Variants in EPHA4 observed in about 807,000 individuals in gnomAD.
EPHA4 encodes ephrin type-A receptor 4.
A neutral mutation model predicts 108.3 loss-of-function variants in EPHA4; 19 were observed. That is an observed-to-expected ratio of 0.18 (90% CI 0.12 to 0.26). The LOEUF (loss-of-function observed/expected upper bound fraction) is 0.26, where lower values mean the gene tolerates loss of function less well. Among genes scored for constraint, EPHA4 ranks in the 10% least tolerant of loss-of-function variants. The pLI is 1.00. For missense variants in EPHA4, 917 were observed against 1,254.0 expected (o/e 0.73, Z 4.06); for synonymous variants, 449 against 455.5 (o/e 0.99, Z 0.18).
At position 221,430,006 on chromosome 2, in the gene EPHA4, A is replaced by C; in HGVS notation, c.2642T>G (p.Leu881Arg). 6.2e-7 allele frequency: 1 copy of C among 1,613,898 alleles called. No individual in the cohort carries two copies. The highest frequency in any genetic ancestry group is 8.5e-7 in the Non-Finnish European group (1 of 1,179,942). Residue 881 changes from leucine (L) to arginine (R), a missense_variant, in exon 15 of 18, where the codon CTC becomes CGC. Leu to Arg is a moderately radical substitution (Grantham distance 102). Transcript: ENST00000281821. Reference sequence around the variant, plus strand: ...CTTCAAGCTGTTGGGGTTGCGGATGAGTTTGTCCAACATGTTGACAATCTG... The same window carrying C: ...CTTCAAGCTGTTGGGGTTGCGGATGCGTTTGTCCAACATGTTGACAATCTG... Reference protein sequence around the residue: ...FGQIVNMLDKLIRNPNSLKRT... With the variant: ...FGQIVNMLDKRIRNPNSLKRT...
rs773740401 is a variant in EPHA4, at chr2:221,566,911, AAGG to A, written c.159+1804_159+1806del. ...GAAGGAGAAGGAGAAGGAGAAGGAGAAGGAGAAGGAGAAGGAGAAGGAGAAGGA... is the reference window on the plus strand; with the variant it reads ...GAAGGAGAAGGAGAAGGAGAAGGAGAAGAAGGAGAAGGAGAAGGAGAAGGA... On this transcript the variant is annotated intron_variant, in intron 2 of 17. Coordinates refer to ENST00000281821, the MANE Select transcript of EPHA4 (RefSeq NM_004438.5). 1.1e-3 allele frequency among the ~76,000 whole-genome samples: 53 copies of A among 46,530 alleles called. 13 individuals are homozygous for A. The highest frequency in any genetic ancestry group is 1.6e-3 in the Non-Finnish European group (42 of 26,206). The allele number at this position is 46,530 out of a possible 152,430, so 30.5% of individuals were successfully genotyped here. A position where few individuals can be genotyped will look rare whatever the true frequency, so the allele number is the denominator to read the frequency against.
At chr2:221,518,264 C>T (rs1487733289) in intron 3 of EPHA4, among the ~76,000 whole-genome samples, 3 of 152,158 alleles carry the variant, frequency 2.0e-5, no homozygotes, top group Admixed American at 6.5e-5. Flanking sequence ...ATGGTCCTCA[C>T]CTCCAGCTTG....
intron 5 of EPHA4, among the ~76,000 whole-genome samples, chr2:221,464,882 A>G (rs924355919): frequency 6.6e-6 from 1 of 152,210 alleles, no homozygotes; most frequent in Non-Finnish European, 1.5e-5. Context: ...CAACTTGATT[A>G]TTCTGAAATT....
At chr2:221,476,296 C>T (rs181198799) in intron 5 of EPHA4, among the ~76,000 whole-genome samples, 1 of 152,282 alleles carries the variant, frequency 6.6e-6, no homozygotes, top group East Asian at 1.9e-4. Flanking sequence ...CCCCTCATAC[C>T]TAACTGTGGG....
At chr2:221,503,232 G>A (rs917981196) in intron 3 of EPHA4, among the ~76,000 whole-genome samples, 1 of 152,214 alleles carries the variant, frequency 6.6e-6, no homozygotes. Context: ...AATGTTTGCA[G>A]AAAACTGCAT....
chr2:221,495,001 C>CAAAAAAAAAAAAAAAAAA lies in EPHA4; in HGVS notation c.979+5998_979+6015dup, dbSNP rs5838887. ...ATGGTGCTTGTCCTGGCAATGTTGCCAAAAAAAAAAAAAAAAAAAAAAACT... is the reference window on the plus strand; with the variant it reads ...ATGGTGCTTGTCCTGGCAATGTTGCCAAAAAAAAAAAAAAAAAAAAAAAAAAAAAAAAAAAAAAAAACT... On this transcript the variant is annotated intron_variant, in intron 4 of 17. Coordinates refer to ENST00000281821, the MANE Select transcript of EPHA4 (RefSeq NM_004438.5). Among the ~76,000 whole-genome samples the CAAAAAAAAAAAAAAAAAA allele has an allele frequency of 2.3e-5, 2 of 85,522 alleles. 1 individual carries two copies. Among genetic ancestry groups the CAAAAAAAAAAAAAAAAAA allele is most frequent in the African/African-American group, 9.0e-5 (2 of 22,302 alleles). The allele number at this position is 85,522 out of a possible 152,430, so 56.1% of individuals were successfully genotyped here. A position where few individuals can be genotyped will look rare whatever the true frequency, so the allele number is the denominator to read the frequency against.
intron 5 of EPHA4, among the ~76,000 whole-genome samples, chr2:221,463,455 A>T (rs1691211245): frequency 6.6e-6 from 1 of 152,158 alleles, no homozygotes; most frequent in South Asian, 2.1e-4. Context: ...AGCAGACCAC[A>T]ATGCACTGAG....
Position 221,426,100 on chromosome 2 carries a change from A to T in EPHA4, c.2889T>A (p.Asn963Lys). The change falls in exon 17 of 18, where the codon AAT becomes AAA. Residue 963 changes from asparagine to lysine, a missense_variant. Around this residue, in one of 3 missense-constraint regions of EPHA4, gnomAD observed 26 missense variants for 44.4 expected, o/e 0.59. Transcript: ENST00000281821. ...RIGITAITHQ[N>K]KILSSVQAMR... ...TTGCCTGGACACTGCTCAAAATCTT[A>T]TTCTGGTGCGTGATGGCTGTGATAC... 1 of 1,614,086 alleles carries T rather than the reference A, an allele frequency of 6.2e-7. No individual in the cohort carries two copies. Among genetic ancestry groups the T allele is most frequent in the Non-Finnish European group, 8.5e-7 (1 of 1,180,016 alleles).
At chr2:221,462,514 T>C (rs1691179446) in intron 5 of EPHA4, among the ~76,000 whole-genome samples, 1 of 152,110 alleles carries the variant, frequency 6.6e-6, no homozygotes, top group Non-Finnish European at 1.5e-5. Context: ...TGAATAAAAG[T>C]TTTTACATAT....
At chr2:221,483,500 T>TTGTG (rs58143142) in intron 4 of EPHA4, among the ~76,000 whole-genome samples, 2,102 of 143,756 alleles carry the variant, frequency 0.015, 23 homozygotes, top group African/African-American at 0.018. Context: ...TGATGTAGAT[T>TTGTG]TGTGTGTGTG....
chr2:221,539,079 C>T (rs888202135), intron 3 of EPHA4, among the ~76,000 whole-genome samples: 1 of 152,152 alleles, frequency 6.6e-6, no homozygotes. Flanking sequence ...GCCTACACTC[C>T]TTTTACCAAG....
chr2:221,529,853 C>A (rs185093358), intron 3 of EPHA4, among the ~76,000 whole-genome samples: 1 of 152,094 alleles, frequency 6.6e-6, no homozygotes, highest in African/African-American at 2.4e-5. Context: ...AGGAAACCCA[C>A]GAGTCTATTT....
Position 221,444,744 on chromosome 2 carries a change from C to CTTTTTTTTTTTTTTTTTT in EPHA4, c.1775-1156_1775-1139dup, listed in dbSNP as rs71266317. ...TCCCAGTCCCTCTCTTTTTTTCTAT[C>CTTTTTTTTTTTTTTTTTT]TTTTTTTTTTTTTTTTTTTTTTTTT... is the stretch of plus-strand genomic sequence containing the variant. On this transcript the variant is annotated intron_variant, in intron 9 of 17. Coordinates refer to ENST00000281821, the MANE Select transcript of EPHA4 (RefSeq NM_004438.5). 4.0e-5 allele frequency among the ~76,000 whole-genome samples: 3 copies of CTTTTTTTTTTTTTTTTTT among 74,982 alleles called. 1 individual carries two copies. The highest frequency in any genetic ancestry group is 4.8e-5 in the Non-Finnish European group (2 of 41,512). The allele number at this position is 74,982 out of a possible 152,430, so 49.2% of individuals were successfully genotyped here.
intron 3 of EPHA4, among the ~76,000 whole-genome samples, chr2:221,524,702 C>G (rs375260571): frequency 6.6e-6 from 1 of 152,174 alleles, no homozygotes; most frequent in East Asian, 1.9e-4. Context: ...TTGACTTAAC[C>G]TGGGAAGATA....
chr2:221,513,090 C>G (rs907325995), intron 3 of EPHA4, among the ~76,000 whole-genome samples: 1 of 152,142 alleles, frequency 6.6e-6, no homozygotes, highest in South Asian at 2.1e-4. Context: ...TGGCTTCACC[C>G]AGAAGAAGCT....
At position 221,476,929 on chromosome 2, in the gene EPHA4, AAG is replaced by A. The variant is rs570344445; in HGVS notation, c.1318+5421_1318+5422del. On this transcript the variant is annotated intron_variant, in intron 5 of 17. Coordinates refer to ENST00000281821, the MANE Select transcript of EPHA4 (RefSeq NM_004438.5). The stretch of plus-strand genomic sequence containing the variant: ...TTATTAAATTTATCATTACTTGACA[AAG>A]AGAGTTAACTGATTTGATTTTACTG... Among the ~76,000 whole-genome samples the A allele has an allele frequency of 1.1e-4, 16 of 152,252 alleles. No homozygotes were observed. In the South Asian group the frequency reaches 3.3e-3, roughly 32 times the overall value.
chr2:221,532,740 C>T (rs1457575438), intron 3 of EPHA4: 12 of 152,306 alleles, frequency 7.9e-5, no homozygotes, highest in Admixed American at 7.2e-4. Flanking sequence ...TAGGCTTGGC[C>T]TCCTAAGGGG....
chr2:221,461,985 C>CTTT (rs71050335), intron 5 of EPHA4, among the ~76,000 whole-genome samples: 6,214 of 138,876 alleles, frequency 0.045, 280 homozygotes, highest in African/African-American at 0.088. Context: ...TGAACACATT[C>CTTT]TTTTTTTTTT....
intron 3 of EPHA4, among the ~76,000 whole-genome samples, chr2:221,548,619 A>G (rs1243214298): frequency 6.6e-6 from 1 of 152,064 alleles, no homozygotes; most frequent in Non-Finnish European, 1.5e-5. Context: ...TAATACATGG[A>G]GGAAACATGA....
Sources: gnomAD v4.1 joint callset for allele counts (sites outside exome capture counted in the v4.1 genomes callset) on GRCh38, gnomAD v4.1.1 for gene constraint, gnomAD v4.1.1 regional missense constraint, MANE v1.5 for transcripts, NCBI Gene and HGNC (gene_info 2026-07-23, HGNC 2026-07-21) for gene names.